Variants in LMBR1 observed in about 807,000 individuals in gnomAD.
LMBR1 encodes the protein limb region 1 protein homolog.
Under a neutral mutation model 73.9 loss-of-function variants are expected in LMBR1, and 52 were observed. The observed-to-expected ratio is 0.70, with a 90% CI of 0.56 to 0.89. The LOEUF is 0.89. Ranked by LOEUF, LMBR1 falls within the 40% of genes least tolerant of loss-of-function variation. LMBR1 has a pLI of 0.00. For missense variants in LMBR1, 539 were observed against 579.8 expected, an observed-to-expected ratio of 0.93 and a Z score of 0.72; for synonymous variants, 215 against 209.4, an observed-to-expected ratio of 1.03 and a Z score of -0.23.
Position 156,737,674 on chromosome 7 carries a change from C to G in LMBR1, c.758-3417G>C, listed in dbSNP as rs111302534. On this transcript the variant is annotated intron_variant, in intron 9 of 16. Transcript: ENST00000353442. ...TTCTAATCTTTTTGCTATGTTATTTCTAAATTTCAAGGATCCTTTTCTGCT... is the reference window on the plus strand; with the variant it reads ...TTCTAATCTTTTTGCTATGTTATTTGTAAATTTCAAGGATCCTTTTCTGCT... Among the ~76,000 whole-genome samples, 352 of 146,724 alleles carry G rather than the reference C, an allele frequency of 2.4e-3. 4 individuals are homozygous for G. The highest frequency in any genetic ancestry group is 8.2e-3 in the African/African-American group (339 of 41,214).
At chr7:156,822,434 A>G (rs1384824324) in intron 4 of LMBR1, 2 of 152,236 alleles carry the variant, frequency 1.3e-5, no homozygotes, top group Non-Finnish European at 2.9e-5. Context: ...GCCCAGGTCT[A>G]TCTGACTCCA....
In LMBR1 at chr7:156,891,377, T is replaced by C. The variant is rs1802958074; in HGVS notation, c.66+1551A>G. Reference sequence around the variant, plus strand: ...AATTGTGCTATAGTCACACAACTACTGCACCGAGAATGAATTATAACCACA... The same window carrying C: ...AATTGTGCTATAGTCACACAACTACCGCACCGAGAATGAATTATAACCACA... On this transcript the variant is annotated intron_variant, in intron 1 of 16. Transcript: ENST00000353442. Among the ~76,000 whole-genome samples, 4 of 151,024 alleles carry C rather than the reference T, an allele frequency of 2.6e-5. No homozygotes were observed. In the South Asian group the frequency reaches 8.4e-4, roughly 32 times the overall value.
intron 4 of LMBR1, among the ~76,000 whole-genome samples, chr7:156,816,863 T>C (rs182607059): frequency 6.6e-6 from 1 of 152,270 alleles, no homozygotes; most frequent in African/African-American, 2.4e-5. Context: ...TGATAAATCA[T>C]TCTTAAAAAT....
chr7:156,802,830 A>G (rs958179797), intron 4 of LMBR1, among the ~76,000 whole-genome samples: 3 of 152,046 alleles, frequency 2.0e-5, no homozygotes, highest in African/African-American at 7.2e-5. Flanking sequence ...TTAGAAAAGA[A>G]CTCAGAAATA....
chr7:156,741,531 A>C (rs1429322646), intron 9 of LMBR1, among the ~76,000 whole-genome samples: 1 of 152,204 alleles, frequency 6.6e-6, no homozygotes, highest in Non-Finnish European at 1.5e-5. Flanking sequence ...ATAGATTTCA[A>C]GACAAGAAAT....
intron 16 of LMBR1, among the ~76,000 whole-genome samples, chr7:156,687,335 TCCCAC>T (rs1056737598): frequency 1.3e-5 from 2 of 152,122 alleles, no homozygotes; most frequent in African/African-American, 4.8e-5. Flanking sequence ...TACAACCCCC[TCCCAC>T]CCCAAACCAA....
Position 156,866,070 on chromosome 7 carries a change from A to T in LMBR1, c.66+26858T>A, listed in dbSNP as rs555996598. Among the ~76,000 whole-genome samples, 4 of 152,178 alleles carry T rather than the reference A, an allele frequency of 2.6e-5. No homozygotes were observed. In the South Asian group the frequency reaches 8.3e-4, roughly 32 times the overall value. On this transcript the variant is annotated intron_variant, in intron 1 of 16. Transcript: ENST00000353442. ...GACATTAAAATCTCAAAAGACAAAA[A>T]AAAAAAAAAATAGAGAAACTGAATG...
rs975245406 is a variant in LMBR1 at position 156,687,051 on chromosome 7, A to T, written c.1387+979T>A. 2.0e-5 allele frequency among the ~76,000 whole-genome samples: 3 copies of T among 152,276 alleles called. No homozygotes were observed. In the East Asian group the frequency reaches 5.8e-4, roughly 29 times the overall value. On this transcript the variant is annotated intron_variant, in intron 16 of 16. Coordinates refer to ENST00000353442, the MANE Select transcript of LMBR1 (RefSeq NM_022458.4). ...AAATACATATGGACAGCTCATCTGA[A>T]ATCTTTTGTGCCTCCCAAAGGTCAC...
intron 1 of LMBR1, among the ~76,000 whole-genome samples, chr7:156,847,472 G>A (rs1376353466): frequency 6.6e-6 from 1 of 152,144 alleles, no homozygotes; most frequent in Non-Finnish European, 1.5e-5. Flanking sequence ...CTTGTGCTCT[G>A]CAACAGACAC....
intron 15 of LMBR1, among the ~76,000 whole-genome samples, chr7:156,713,908 GT>G (rs1343297438): frequency 6.6e-6 from 1 of 152,024 alleles, no homozygotes; most frequent in East Asian, 1.9e-4. Context: ...TTGTTTTTGT[GT>G]TATAAGTTAA....
intron 15 of LMBR1, among the ~76,000 whole-genome samples, chr7:156,691,331 A>C (rs1807128440): frequency 6.6e-6 from 1 of 152,216 alleles, no homozygotes; most frequent in Non-Finnish European, 1.5e-5. Flanking sequence ...TCAATAAAAA[A>C]AATTCTTCAT....
At chr7:156,836,280 C>A (rs900112655) in intron 2 of LMBR1, among the ~76,000 whole-genome samples, 16 of 152,156 alleles carry the variant, frequency 1.1e-4, no homozygotes, top group Admixed American at 6.5e-4. Flanking sequence ...ACTTATAAAA[C>A]CCTGACCTAA....
intron 5 of LMBR1, among the ~76,000 whole-genome samples, chr7:156,767,462 G>GA (rs531545769): frequency 6.6e-6 from 1 of 151,622 alleles, no homozygotes; most frequent in East Asian, 1.9e-4. Flanking sequence ...ATTCAGATGA[G>GA]AAAAAAAGAG....
chr7:156,706,405 A>C (rs1283266798), intron 15 of LMBR1, among the ~76,000 whole-genome samples: 1 of 152,228 alleles, frequency 6.6e-6, no homozygotes, highest in Non-Finnish European at 1.5e-5. Context: ...AACGGACCTA[A>C]AACACATTTA....
chr7:156,829,023 C>G, intron 3 of LMBR1, among the ~76,000 whole-genome samples: 1 of 151,874 alleles, frequency 6.6e-6, no homozygotes, highest in Admixed American at 6.6e-5. Context: ...TCCGCTTTTA[C>G]GTGCCTACCT....
At chr7:156,676,662 A>G (rs771040257), downstream of LMBR1, 7 of 1,604,990 alleles carry the variant, frequency 4.4e-6, no homozygotes, top group Non-Finnish European at 6.0e-6. Context: ...TTGAATTCAT[A>G]GTCAAGGAAA....
chr7:156,867,919 T>C (rs1798699514), intron 1 of LMBR1, among the ~76,000 whole-genome samples: 1 of 152,170 alleles, frequency 6.6e-6, no homozygotes, highest in Non-Finnish European at 1.5e-5. Context: ...ATATGGTATG[T>C]GAATTAAATC....
At chr7:156,883,847 T>C (rs540945292) in intron 1 of LMBR1, among the ~76,000 whole-genome samples, 7 of 152,262 alleles carry the variant, frequency 4.6e-5, no homozygotes, top group Non-Finnish European at 1.0e-4. Context: ...TGTGACCACA[T>C]AGAGCCCACC....
intron 4 of LMBR1, among the ~76,000 whole-genome samples, chr7:156,671,645 A>G (rs7786612): frequency 0.2 from 30,845 of 151,054 alleles, 3,277 homozygotes; most frequent in South Asian, 0.31. Context: ...GTACTGCAGG[A>G]CGCCGATGTT....
Sources: gnomAD v4.1 joint callset for allele counts (sites outside exome capture counted in the v4.1 genomes callset) on GRCh38, gnomAD v4.1.1 for gene constraint, MANE v1.5 for transcripts, NCBI Gene and HGNC (gene_info 2026-07-23, HGNC 2026-07-21) for gene names.